Variants in RDH13 observed in about 807,000 individuals in gnomAD.
RDH13 encodes the protein retinol dehydrogenase 13, also known as retinol dehydrogenase 13 (all-trans and 9-cis).
A neutral mutation model predicts 28.3 loss-of-function variants in RDH13; 35 were observed. The ratio of observed to expected loss-of-function variants is 1.24; its 90% CI spans 0.95 to 1.64. The LOEUF is 1.64. Ranked by LOEUF, RDH13 falls within the 40% of genes most tolerant of loss-of-function variation. The pLI is 0.00. For synonymous variants in RDH13, 229 were observed against 198.5 expected (o/e 1.15, Z -1.29); for missense variants, 514 against 446.3 (o/e 1.15, Z -1.37).
chr19:55,055,057 A>G (rs1448534495), intron 3 of RDH13, among the ~76,000 whole-genome samples: 1 of 152,212 alleles, frequency 6.6e-6, no homozygotes, highest in Non-Finnish European at 1.5e-5. Flanking sequence ...TTTACATAAA[A>G]ATATATAAAT....
At chr19:55,047,357 G>C in intron 6 of RDH13, 30 bp downstream of exon 6, 1 of 1,604,602 alleles carries the variant, frequency 6.2e-7, no homozygotes, top group Non-Finnish European at 8.5e-7. Flanking sequence ...AGGGCTCCAC[G>C]TGGAGACCCC....
At chr19:55,055,215 C>A (rs889913354) in intron 3 of RDH13, among the ~76,000 whole-genome samples, 1 of 152,100 alleles carries the variant, frequency 6.6e-6, no homozygotes, top group African/African-American at 2.4e-5. Flanking sequence ...TGCACTGGCA[C>A]AATCTCAGCT....
Position 55,046,240 on chromosome 19 carries a change from C to T in RDH13, c.761-931G>A, listed in dbSNP as rs536240583. ...CCAGCCTGGGTGACGAGCAAAACTC[C>T]GTCTCAAAAAAAAAAAGACATTTAT... On this transcript the variant is annotated intron_variant, in intron 6 of 6. Transcript: ENST00000415061. Among the ~76,000 whole-genome samples the T allele has an allele frequency of 1.5e-3, 83 of 54,932 alleles. 2 individuals are homozygous for T. Among genetic ancestry groups the T allele is most frequent in the African/African-American group, 4.6e-3 (78 of 17,094 alleles). 36.0% of individuals were successfully genotyped at this position (54,932 alleles called of 152,430 possible).
chr19:55,053,271 T>C (rs2147032038), intron 3 of RDH13, among the ~76,000 whole-genome samples: 1 of 152,346 alleles, frequency 6.6e-6, no homozygotes, highest in South Asian at 2.1e-4. Context: ...TTAAATCCAC[T>C]GCTGTCTTTA....
chr19:55,049,886 G>A (rs1011257150), intron 3 of RDH13, among the ~76,000 whole-genome samples: 4 of 150,744 alleles, frequency 2.7e-5, no homozygotes, highest in East Asian at 1.9e-4. Context: ...GGGAGGATCC[G>A]CTCTGGTCTC....
rs777533970 is a variant in RDH13, at chr19:55,048,780, G to A, written c.341-17C>T. 1.2e-6 allele frequency: 2 copies of A among 1,605,740 alleles called. No individual in the cohort carries two copies. Among genetic ancestry groups the A allele is most frequent in the South Asian group, 1.1e-5 (1 of 90,780 alleles). ...GCTCCTCCTCTGGAAGAGAGGGGTG[G>A]AGGAGGAGACATCCCGGTGAGGACA... is the stretch of plus-strand genomic sequence containing the variant. On this transcript the variant is annotated splice_polypyrimidine_tract_variant and intron_variant, in intron 3 of 6. Coordinates refer to ENST00000415061, the MANE Select transcript of RDH13 (RefSeq NM_001145971.2).
downstream of RDH13, among the ~76,000 whole-genome samples, chr19:55,043,668 T>C (rs1195255363): frequency 6.6e-6 from 1 of 152,138 alleles, no homozygotes; most frequent in African/African-American, 2.4e-5. Context: ...ACTAGGTGGC[T>C]GTTCTGTGTA....
chr19:55,047,172 C>T lies in RDH13; in HGVS notation c.760+215G>A, dbSNP rs139821143. On this transcript the variant is annotated intron_variant, in intron 6 of 6. Coordinates refer to ENST00000415061, the MANE Select transcript of RDH13 (RefSeq NM_001145971.2). ...TCCTCTGAGACACGGTTTTCTCATC[C>T]GCCAGCAGGGCTCTGCCTGCTTCCC... 4.8e-5 allele frequency: 67 copies of T among 1,396,690 alleles called. No individual in the cohort carries two copies. In the East Asian group the frequency reaches 5.5e-4, roughly 12 times the overall value. The allele number at this position is 1,396,690 out of a possible 1,614,324, so 86.5% of individuals were successfully genotyped here. A position where few individuals can be genotyped will look rare whatever the true frequency, so the allele number is the denominator to read the frequency against.
intron 2 of RDH13, among the ~76,000 whole-genome samples, chr19:55,057,379 A>T (rs994489873): frequency 1.3e-5 from 2 of 151,784 alleles, no homozygotes; most frequent in African/African-American, 4.8e-5. Context: ...ACGGTGGCTC[A>T]CACCTGTAAT....
intron 1 of RDH13, among the ~76,000 whole-genome samples, chr19:55,061,547 T>C (rs561331753): frequency 3.3e-5 from 5 of 151,634 alleles, no homozygotes; most frequent in African/African-American, 9.7e-5. Context: ...TCCCAGCACT[T>C]TGGGAGGCCA....
At chr19:55,045,670 G>T (rs1469082803) in intron 6 of RDH13, among the ~76,000 whole-genome samples, 1 of 152,122 alleles carries the variant, frequency 6.6e-6, no homozygotes, top group Non-Finnish European at 1.5e-5. Flanking sequence ...TTTTGGCCAG[G>T]CGAGGTGGCT....
At chr19:55,059,296 G>T (rs372582333) in intron 1 of RDH13, 21 bp from the exon 2 acceptor site, 1 of 1,518,032 alleles carries the variant, frequency 6.6e-7, no homozygotes. Flanking sequence ...GAAGCGGCAC[G>T]GTCAGTCCTG....
Position 55,063,040 on chromosome 19 carries a change from C to T in RDH13, c.-8G>A. 2.4e-6 allele frequency: 3 copies of T among 1,270,922 alleles called. No individual in the cohort carries two copies. The highest frequency in any genetic ancestry group is 3.0e-6 in the Non-Finnish European group (3 of 1,001,032). The allele number at this position is 1,270,922 out of a possible 1,614,324, so 78.7% of individuals were successfully genotyped here. On this transcript the variant is annotated 5_prime_UTR_variant, in exon 1 of 7. Transcript: ENST00000415061. ...CAGCAGGTAGCGGCTCATGCCGGGC[C>T]GGGGACAGGCGTCAGGCGTCAGGGG...
intron 3 of RDH13, among the ~76,000 whole-genome samples, chr19:55,049,085 T>C (rs1385442305): frequency 6.6e-6 from 1 of 152,122 alleles, no homozygotes; most frequent in Non-Finnish European, 1.5e-5. Context: ...GGGAGGATTA[T>C]GGCCCGTCTC....
Position 55,045,308 on chromosome 19 carries a change from C to G in RDH13, c.762G>C (p.Gly254=). 6.2e-6 allele frequency: 10 copies of G among 1,610,238 alleles called. No individual in the cohort carries two copies. Among genetic ancestry groups the G allele is most frequent in the Non-Finnish European group, 6.8e-6 (8 of 1,178,610 alleles). ...TCTTGACCAGCAGCCAGAAGATGGG[C>G]CCTGCAATCAGCCCACAGGGCATTT... ...HGSTFSSTTL[G]PIFWLLVKSP... The change falls in exon 7 of 7, where the codon GGG becomes GGC. Residue 254 remains glycine, a splice_region_variant and synonymous_variant. Transcript: ENST00000415061.
upstream of RDH13, among the ~76,000 whole-genome samples, chr19:55,066,387 CTA>C (rs1465219586): frequency 1.3e-5 from 2 of 152,020 alleles, no homozygotes; most frequent in African/African-American, 2.4e-5. Context: ...TCGTTCTTCT[CTA>C]TCTCTCCTCT....
chr19:55,050,282 AT>A (rs2075387354), intron 3 of RDH13, among the ~76,000 whole-genome samples: 1 of 151,762 alleles, frequency 6.6e-6, no homozygotes, highest in South Asian at 2.1e-4. Flanking sequence ...CACCGGGTTA[AT>A]TTTTTGTATC....
intron 2 of RDH13, among the ~76,000 whole-genome samples, chr19:55,057,462 T>C (rs2075674636): frequency 6.8e-6 from 1 of 147,398 alleles, no homozygotes; most frequent in Admixed American, 6.9e-5. Context: ...AGATGGAGTC[T>C]CACTCTGTCA....
In RDH13 at chr19:55,059,230, A is replaced by G; in HGVS notation, c.111T>C (p.Pro37=). Residue 37 remains proline (P), a synonymous_variant, in exon 2 of 7, where the codon CCT becomes CCC. Transcript: ENST00000415061. ...GGACPSKATI[P]GKTVIVTGAN... ...CACCCGTCACGATGACCGTCTTCCC[A>G]GGGATGGTGGCCTTGCTGGGGCAAG... 1 of 1,605,570 alleles carries G rather than the reference A, an allele frequency of 6.2e-7. No individual in the cohort carries two copies. The highest frequency in any genetic ancestry group is 8.5e-7 in the Non-Finnish European group (1 of 1,176,136).
Sources: gnomAD v4.1 joint callset for allele counts (sites outside exome capture counted in the v4.1 genomes callset) on GRCh38, gnomAD v4.1.1 for gene constraint, MANE v1.5 for transcripts, NCBI Gene and HGNC (gene_info 2026-07-23, HGNC 2026-07-21) for gene names.